VWA3B: variants seen among roughly 807,000 people sequenced by gnomAD.
VWA3B encodes the protein von Willebrand factor A domain containing 3B, also known as von Willebrand factor A domain-containing protein 3B.
A neutral mutation model predicts 158.3 loss-of-function variants in VWA3B; 138 were observed. That is an observed-to-expected ratio of 0.87 (90% CI 0.76 to 1.00). The LOEUF is 1.00. VWA3B is among the 50% of genes least tolerant of loss of function. The probability of loss-of-function intolerance (pLI) is 0.00; values close to 1 mark genes in which losing one functional copy is unlikely to be tolerated. For synonymous variants in VWA3B, 596 were observed against 587.3 expected (o/e 1.01, Z -0.21); for missense variants, 1,555 against 1,565.1 (o/e 0.99, Z 0.11).
intron 3 of VWA3B, among the ~76,000 whole-genome samples, chr2:98,117,681 G>A (rs1210068464): frequency 6.6e-6 from 1 of 152,102 alleles, no homozygotes; most frequent in African/African-American, 2.4e-5. Context: ...CCTCCATGAT[G>A]GGGGTGGTAG....
At chr2:98,177,970 G>C (rs1356325621) in intron 8 of VWA3B, among the ~76,000 whole-genome samples, 1 of 151,776 alleles carries the variant, frequency 6.6e-6, no homozygotes, top group East Asian at 1.9e-4. Context: ...TGCACCTATT[G>C]ATCAGGAAAA....
chr2:98,208,255 G>T (rs899890086), intron 12 of VWA3B, among the ~76,000 whole-genome samples: 4 of 151,912 alleles, frequency 2.6e-5, no homozygotes, highest in Non-Finnish European at 5.9e-5. Flanking sequence ...ACGTTGTTAT[G>T]CCTGAAGTGA....
rs530946603 is a variant in VWA3B, at chr2:98,267,019, C to T, written c.2844-3663C>T. Among the ~76,000 whole-genome samples, 531 of 151,804 alleles carry T rather than the reference C, an allele frequency of 3.5e-3. 4 individuals carry two copies. Among genetic ancestry groups the T allele is most frequent in the Non-Finnish European group, 5.9e-3 (402 of 67,918 alleles). The stretch of plus-strand genomic sequence containing the variant: ...AGGGACAATTTGACTTCCTCTTTTC[C>T]TAATTGAATACCCTTTATTTTTTTC... On this transcript the variant is annotated intron_variant, in intron 21 of 27. Coordinates refer to ENST00000477737, the MANE Select transcript of VWA3B (RefSeq NM_144992.5).
intron 8 of VWA3B, among the ~76,000 whole-genome samples, chr2:98,175,731 T>C (rs1679958723): frequency 6.6e-6 from 1 of 152,184 alleles, no homozygotes; most frequent in African/African-American, 2.4e-5. Context: ...ATGGATTCCA[T>C]GTAGGATAAA....
chr2:98,103,582 A>T (rs1683232436), intron 2 of VWA3B, among the ~76,000 whole-genome samples: 1 of 152,122 alleles, frequency 6.6e-6, no homozygotes, highest in Non-Finnish European at 1.5e-5. Flanking sequence ...TAGGACTTTT[A>T]AAAGTACTTG....
At chr2:98,285,070 A>G (rs1689086249) in intron 22 of VWA3B, among the ~76,000 whole-genome samples, 1 of 152,152 alleles carries the variant, frequency 6.6e-6, no homozygotes. Context: ...TACCCTCATG[A>G]AGGTTACCTA....
At chr2:98,202,219 C>G (rs1682610766) in intron 12 of VWA3B, among the ~76,000 whole-genome samples, 1 of 152,028 alleles carries the variant, frequency 6.6e-6, no homozygotes, top group Non-Finnish European at 1.5e-5. Context: ...ATCTGTACCT[C>G]TGTGAGTTAG....
chr2:98,145,463 G>A (rs918726464), intron 7 of VWA3B, among the ~76,000 whole-genome samples: 1 of 152,138 alleles, frequency 6.6e-6, no homozygotes, highest in African/African-American at 2.4e-5. Flanking sequence ...ATAGCACATG[G>A]CAGAGTCAGG....
intron 7 of VWA3B, among the ~76,000 whole-genome samples, chr2:98,147,159 C>G (rs1471405973): frequency 1.3e-5 from 2 of 152,104 alleles, no homozygotes; most frequent in African/African-American, 2.4e-5. Context: ...GTTTTGTTCT[C>G]TTACTACTAC....
intron 7 of VWA3B, among the ~76,000 whole-genome samples, chr2:98,134,316 G>A (rs1053824211): frequency 2.7e-4 from 41 of 152,318 alleles, no homozygotes; most frequent in African/African-American, 9.4e-4. Flanking sequence ...TGTCCTCCCT[G>A]TGATGAAAGC....
intron 7 of VWA3B, among the ~76,000 whole-genome samples, chr2:98,156,899 T>C (rs1211804024): frequency 1.3e-5 from 2 of 152,156 alleles, no homozygotes; most frequent in African/African-American, 4.8e-5. Context: ...ACTAGCCCCA[T>C]AGCATCCTGG....
At chr2:98,136,693 A>T (rs976564703) in intron 7 of VWA3B, among the ~76,000 whole-genome samples, 2 of 151,890 alleles carry the variant, frequency 1.3e-5, no homozygotes, top group African/African-American at 4.8e-5. Context: ...CTCATGACTT[A>T]ATCACTTCCC....
intron 21 of VWA3B, among the ~76,000 whole-genome samples, chr2:98,263,645 T>A (rs1299894389): frequency 1.3e-5 from 2 of 151,970 alleles, no homozygotes; most frequent in Non-Finnish European, 2.9e-5. Flanking sequence ...TTTGCTACTG[T>A]TTTGTTGAGG....
intron 23 of VWA3B, chr2:98,292,106 T>C (rs1287548411): frequency 7.5e-6 from 1 of 133,856 alleles, no homozygotes; most frequent in Non-Finnish European, 1.6e-5. Flanking sequence ...AAAAAAAAAA[T>C]TAACCGGGCA....
At position 98,128,331 on chromosome 2, in the gene VWA3B, C is replaced by T; in HGVS notation, c.795C>T (p.Val265=). ...GGGCCTTGGAGATCCCGTGTCCAGT[C>T]TACACAGTGTCCTTCAACGCCAGAG... The part of the protein sequence containing the change: ...LQRALEIPCP[V]YTVSFNARGE... Residue 265 remains valine (V), a synonymous_variant, in exon 6 of 28, where the codon GTC becomes GTT. Transcript: ENST00000477737. The T allele has an allele frequency of 6.2e-7, 1 of 1,614,172 alleles. No homozygotes were observed. Among genetic ancestry groups the T allele is most frequent in the Non-Finnish European group, 8.5e-7 (1 of 1,180,034 alleles).
chr2:98,176,316 T>C (rs143083819), intron 8 of VWA3B, among the ~76,000 whole-genome samples: 7 of 137,220 alleles, frequency 5.1e-5, no homozygotes, highest in Non-Finnish European at 1.1e-4. Context: ...TTTCCCTCCT[T>C]TCCTCCCTCC....
intron 2 of VWA3B, among the ~76,000 whole-genome samples, chr2:98,103,069 A>G (rs529203968): frequency 5.3e-5 from 8 of 152,300 alleles, no homozygotes; most frequent in African/African-American, 1.7e-4. Flanking sequence ...CAGCCTTTTA[A>G]TGCATGTAGG....
At chr2:98,189,125 T>C (rs527381850) in intron 10 of VWA3B, among the ~76,000 whole-genome samples, 18 of 152,356 alleles carry the variant, frequency 1.2e-4, no homozygotes, top group African/African-American at 3.8e-4. Context: ...ATGTGCTGTT[T>C]AGGCTGGGCG....
intron 1 of VWA3B, among the ~76,000 whole-genome samples, chr2:98,089,359 G>T (rs1163121684): frequency 6.6e-6 from 1 of 152,134 alleles, no homozygotes; most frequent in Non-Finnish European, 1.5e-5. Context: ...AAAAGTTAGG[G>T]TTTTCCCAGG....
Sources: gnomAD v4.1 joint callset for allele counts (sites outside exome capture counted in the v4.1 genomes callset) on GRCh38, gnomAD v4.1.1 for gene constraint, MANE v1.5 for transcripts, NCBI Gene and HGNC (gene_info 2026-07-23, HGNC 2026-07-21) for gene names.